LGMN: variants seen among roughly 807,000 people sequenced by gnomAD.
LGMN encodes the protein asparaginyl endopeptidase.
In LGMN, 36 loss-of-function variants were observed where a neutral mutation model predicts 56.8. That is an observed-to-expected ratio of 0.63 (90% CI 0.49 to 0.84). The LOEUF (loss-of-function observed/expected upper bound fraction) is 0.84, where lower values mean the gene tolerates loss of function less well. LGMN is among the 40% of genes least tolerant of loss of function. The pLI, the probability that LGMN is intolerant of heterozygous loss-of-function variation, is 0.00. For synonymous variants in LGMN, 199 were observed against 210.1 expected (o/e 0.95, Z 0.46); for missense variants, 446 against 556.1 (o/e 0.80, Z 1.99).
intron 2 of LGMN, among the ~76,000 whole-genome samples, chr14:92,731,863 G>A (rs1353608238): frequency 6.6e-6 from 1 of 152,144 alleles, no homozygotes; most frequent in Non-Finnish European, 1.5e-5. Flanking sequence ...AAATTTTGAG[G>A]AACTGCCAGA....
chr14:92,705,612 G>A (rs1469311384), intron 12 of LGMN, among the ~76,000 whole-genome samples: 2 of 152,194 alleles, frequency 1.3e-5, no homozygotes, highest in Admixed American at 1.3e-4. Context: ...GAACTGAGCA[G>A]GATGTGGCTA....
At chr14:92,726,360 C>A (rs1417142425) in intron 2 of LGMN, among the ~76,000 whole-genome samples, 2 of 152,210 alleles carry the variant, frequency 1.3e-5, no homozygotes, top group Admixed American at 1.3e-4. Context: ...GCAGTCTGCC[C>A]AGCCTGTCTT....
chr14:92,715,648 C>G (rs2140223050), intron 5 of LGMN: 1 of 152,862 alleles, frequency 6.5e-6, no homozygotes, highest in South Asian at 2.1e-4. Context: ...CATCTCTAGC[C>G]CACAGCCAGT....
Position 92,719,165 on chromosome 14 carries a change from C to T in LGMN, c.139-321G>A, listed in dbSNP as rs1379725798. 1.3e-3 allele frequency among the ~76,000 whole-genome samples: 112 copies of T among 88,200 alleles called. 2 individuals are homozygous for T. The highest frequency in any genetic ancestry group is 5.2e-3 in the African/African-American group (88 of 16,814). 57.9% of individuals were successfully genotyped at this position (88,200 alleles called of 152,430 possible). On this transcript the variant is annotated intron_variant, in intron 2 of 13. Coordinates refer to ENST00000334869, the MANE Select transcript of LGMN (RefSeq NM_005606.7). ...GCCACCACCACCGCCACTGCCACCA[C>T]CACCACCACCACCACCATCACCACC...
At chr14:92,704,795 T>G (rs1474622870) in intron 12 of LGMN, 88 bp from the exon 13 acceptor site, 3 of 1,019,978 alleles carry the variant, frequency 2.9e-6, no homozygotes, top group African/African-American at 3.1e-5. Context: ...GGAAGCATCT[T>G]GACCAGTGGC....
chr14:92,731,179 G>A (rs1489468183), intron 2 of LGMN, among the ~76,000 whole-genome samples: 1 of 152,146 alleles, frequency 6.6e-6, no homozygotes, highest in African/African-American at 2.4e-5. Context: ...CCCCACTGCA[G>A]GAGTTAAAGG....
rs1890119227 is a variant in LGMN, at chr14:92,717,309, GAAGA to G, written c.318+67_318+70del. Reference sequence around the variant, plus strand: ...TAGGGAGATTCTGATTCTAGAAACAGAAGAAAGAGGGAAAAATCATCACTAAAAT... The same window carrying G: ...TAGGGAGATTCTGATTCTAGAAACAGAAGAGGGAAAAATCATCACTAAAAT... On this transcript the variant is annotated intron_variant, in intron 4 of 13. Transcript: ENST00000334869. The G allele has an allele frequency of 8.4e-6, 8 of 958,008 alleles. No homozygotes were observed. The East Asian group carries it at 9.9e-5, about 12-fold the overall frequency. 59.3% of individuals were successfully genotyped at this position (958,008 alleles called of 1,614,324 possible).
At chr14:92,744,085 A>G (rs967971766) in intron 1 of LGMN, among the ~76,000 whole-genome samples, 2 of 150,844 alleles carry the variant, frequency 1.3e-5, no homozygotes, top group East Asian at 2.0e-4. Flanking sequence ...ACCCGGGAGG[A>G]AGAGGTTGCA....
intron 10 of LGMN, among the ~76,000 whole-genome samples, chr14:92,711,255 A>G (rs751044599): frequency 1.4e-4 from 21 of 152,194 alleles, no homozygotes; most frequent in Admixed American, 3.9e-4. Context: ...CAGAAAATCC[A>G]AGGTGCAGAG....
chr14:92,704,770 T>C, intron 12 of LGMN, 63 bp from the exon 13 acceptor site: 2 of 1,345,014 alleles, frequency 1.5e-6, no homozygotes, highest in Non-Finnish European at 2.1e-6. Context: ...CACTCCACTT[T>C]TGCAATTGCA....
intron 2 of LGMN, among the ~76,000 whole-genome samples, chr14:92,719,362 ACCACCACCACCAACACCG>A (rs1278012472): frequency 7.7e-6 from 1 of 129,324 alleles, no homozygotes; most frequent in Non-Finnish European, 1.6e-5. Flanking sequence ...CACCAACACC[ACCACCACCACCAACACCG>A]CCACCAACAC....
chr14:92,725,651 C>G (rs2140247019), intron 2 of LGMN, among the ~76,000 whole-genome samples: 1 of 152,038 alleles, frequency 6.6e-6, no homozygotes, highest in South Asian at 2.1e-4. Context: ...ACTTGGCTCA[C>G]CACAACCTCT....
At chr14:92,708,856 CAAAAAAAAAAA>C (rs58813848) in intron 11 of LGMN, among the ~76,000 whole-genome samples, 1 of 71,648 alleles carries the variant, frequency 1.4e-5, no homozygotes, top group Non-Finnish European at 2.8e-5. Context: ...ACTCTTGTCT[CAAAAAAAAAAA>C]AAAAAAAAAA....
chr14:92,709,594 G>A lies in LGMN; in HGVS notation c.1020+78C>T, dbSNP rs1889633176. 4 of 1,155,642 alleles carry A rather than the reference G, an allele frequency of 3.5e-6. No individual in the cohort carries two copies. The East Asian group carries it at 9.4e-5, about 27-fold the overall frequency. The allele number at this position is 1,155,642 out of a possible 1,614,324, so 71.6% of individuals were successfully genotyped here. On this transcript the variant is annotated intron_variant, in intron 11 of 13. Coordinates refer to ENST00000334869, the MANE Select transcript of LGMN (RefSeq NM_005606.7). ...CTCCTGTGTGGCAGGGAGCATAGGAGGCAGGGCCGTGCTCATGCATGCTGC... is the reference window on the plus strand; with the variant it reads ...CTCCTGTGTGGCAGGGAGCATAGGAAGCAGGGCCGTGCTCATGCATGCTGC...
rs146265012 is a variant in LGMN at position 92,744,836 on chromosome 14, C to T, written c.-30+3653G>A. Among the ~76,000 whole-genome samples, 668 of 152,262 alleles carry T rather than the reference C, an allele frequency of 4.4e-3. 2 individuals carry two copies. Among genetic ancestry groups the T allele is most frequent in the African/African-American group, 0.015 (616 of 41,550 alleles). ...CTTGAACTCCTGACCTCAGGTGATC[C>T]GCCCGGCTCAGCCTCCCAAAGTGCT... is the stretch of plus-strand genomic sequence containing the variant. On this transcript the variant is annotated intron_variant, in intron 1 of 13. Transcript: ENST00000334869.
At chr14:92,742,529 C>T (rs947290549) in intron 1 of LGMN, among the ~76,000 whole-genome samples, 2 of 152,074 alleles carry the variant, frequency 1.3e-5, no homozygotes, top group South Asian at 4.1e-4. Flanking sequence ...TCAAGTGATG[C>T]ACCTGCCTTA....
intron 2 of LGMN, among the ~76,000 whole-genome samples, chr14:92,723,606 G>A (rs1026396589): frequency 9.2e-5 from 14 of 152,218 alleles, no homozygotes; most frequent in Non-Finnish European, 1.8e-4. Flanking sequence ...GGGGAAGCCA[G>A]ACACAAAAGA....
chr14:92,709,817 G>A lies in LGMN; in HGVS notation c.875C>T (p.Ser292Phe). The A allele has an allele frequency of 6.2e-7, 1 of 1,613,752 alleles. No homozygotes were observed. Among genetic ancestry groups the A allele is most frequent in the South Asian group, 1.1e-5 (1 of 91,018 alleles). ...QFQGMKRKAS[S>F]PVPLPPVTHL... ...TGTGACTGGAGGTAGGGGGACGGGA[G>A]AACTGGCTTTGCGTTTCATACCCTG... The change falls in exon 11 of 14, where the codon TCT becomes TTT. Residue 292 changes from serine (S) to phenylalanine (F), a missense_variant. Coordinates refer to ENST00000334869, the MANE Select transcript of LGMN (RefSeq NM_005606.7).
At chr14:92,747,298 C>G (rs1300784602) in intron 1 of LGMN, among the ~76,000 whole-genome samples, 1 of 151,982 alleles carries the variant, frequency 6.6e-6, no homozygotes, top group Non-Finnish European at 1.5e-5. Context: ...CGAGACCAGT[C>G]TGGCCAACAT....
Sources: gnomAD v4.1 joint callset for allele counts (sites outside exome capture counted in the v4.1 genomes callset) on GRCh38, gnomAD v4.1.1 for gene constraint, MANE v1.5 for transcripts, NCBI Gene and HGNC (gene_info 2026-07-23, HGNC 2026-07-21) for gene names.